CCT6B: variants seen among roughly 807,000 people sequenced by gnomAD.
CCT6B encodes chaperonin containing TCP1 subunit 6B.
Under a neutral mutation model 61.5 loss-of-function variants are expected in CCT6B, and 49 were observed. That is an observed-to-expected ratio of 0.80 (90% CI 0.63 to 1.01). The LOEUF is 1.01. Among genes scored for constraint, CCT6B ranks in the 50% least tolerant of loss-of-function variants. The pLI, the probability that CCT6B is intolerant of heterozygous loss-of-function variation, is 0.00. For missense variants in CCT6B, 666 were observed against 634.7 expected, an observed-to-expected ratio of 1.05 and a Z score of -0.53; for synonymous variants, 228 against 214.5, an observed-to-expected ratio of 1.06 and a Z score of -0.55.
At chr17:34,928,363 C>T (rs748794401) in intron 13 of CCT6B, among the ~76,000 whole-genome samples, 12 of 151,970 alleles carry the variant, frequency 7.9e-5, no homozygotes, top group Admixed American at 1.3e-4. Flanking sequence ...ACTTCTGCCT[C>T]CCAGGTTCAA....
At chr17:34,959,123 CTTTT>C (rs11374610) in intron 2 of CCT6B, among the ~76,000 whole-genome samples, 3 of 102,544 alleles carry the variant, frequency 2.9e-5, no homozygotes, top group Admixed American at 2.6e-4. Flanking sequence ...AAAAAAAAAA[CTTTT>C]TTTTTTTTTT....
chr17:34,927,945 T>C lies in CCT6B; in HGVS notation c.*103A>G, dbSNP rs1294809494. The C allele has an allele frequency of 2.8e-6, 2 of 722,374 alleles. No individual in the cohort carries two copies. Among genetic ancestry groups the C allele is most frequent in the Non-Finnish European group, 4.5e-6 (2 of 442,840 alleles). 44.7% of individuals were successfully genotyped at this position (722,374 alleles called of 1,614,324 possible). A position where few individuals can be genotyped will look rare whatever the true frequency, so the allele number is the denominator to read the frequency against. On this transcript the variant is annotated 3_prime_UTR_variant, in exon 14 of 14. Transcript: ENST00000314144. ...TAAGACCCAAAAGACATAAACTGCATTTATTGTGTAGAAATTCAGAATGGC... is the reference window on the plus strand; with the variant it reads ...TAAGACCCAAAAGACATAAACTGCACTTATTGTGTAGAAATTCAGAATGGC...
At chr17:34,936,614 T>C (rs2090097179) in intron 10 of CCT6B, among the ~76,000 whole-genome samples, 1 of 152,154 alleles carries the variant, frequency 6.6e-6, no homozygotes. Flanking sequence ...TAAAATATAT[T>C]TCTATATATT....
intron 5 of CCT6B, among the ~76,000 whole-genome samples, chr17:34,951,371 G>A (rs1271122623): frequency 1.3e-5 from 2 of 152,184 alleles, no homozygotes; most frequent in African/African-American, 4.8e-5. Flanking sequence ...GGGAAAGAGG[G>A]AAGGGTATGC....
intron 5 of CCT6B, among the ~76,000 whole-genome samples, chr17:34,948,224 A>C (rs1352381511): frequency 6.6e-6 from 1 of 152,112 alleles, no homozygotes; most frequent in Non-Finnish European, 1.5e-5. Context: ...CGGGGTCCCC[A>C]AAGTCCACTG....
rs780449977 is a variant in CCT6B at position 34,951,965 on chromosome 17, A to G, written c.599T>C (p.Leu200Ser). 2.5e-6 allele frequency: 4 copies of G among 1,581,006 alleles called. No individual in the cohort carries two copies. In the South Asian group the frequency reaches 4.5e-5, roughly 18 times the overall value. ...TGTAATTTACTTTGTATCTGTTCCT[A>G]ATTTATGCTTCATCTCCATTATTTC... ...MVEIMEMKHKLGTDTKLIQGL... is the reference protein window; with the variant it reads ...MVEIMEMKHKSGTDTKLIQGL... Residue 200 changes from leucine to serine, a missense_variant, in exon 5 of 14, where the codon TTA becomes TCA. Transcript: ENST00000314144.
chr17:34,954,231 G>T (rs1597759658), intron 4 of CCT6B, among the ~76,000 whole-genome samples, 195 bp downstream of exon 4: 1 of 152,046 alleles, frequency 6.6e-6, no homozygotes. Flanking sequence ...GGCCTAGTAT[G>T]ATACTTCTGA....
In CCT6B at chr17:34,931,014, G is replaced by A. The variant is rs1404052169; in HGVS notation, c.1385C>T (p.Thr462Ile). 3 of 1,600,820 alleles carry A rather than the reference G, an allele frequency of 1.9e-6. No homozygotes were observed. Residue 462 changes from threonine (T) to isoleucine (I), a missense_variant, in exon 12 of 14, where the codon ACA becomes ATA. Physicochemically the swap from Thr to Ile is moderately conservative, Grantham distance 89. Transcript: ENST00000314144. ...ATGCTCAGCCTGAACTTTTACTAATGTTTCCTGTGGGTCATAACCAGCATT... is the reference window on the plus strand; with the variant it reads ...ATGCTCAGCCTGAACTTTTACTAATATTTCCTGTGGGTCATAACCAGCATT... ...AQNAGYDPQETLVKVQAEHVE... is the reference protein window; with the variant it reads ...AQNAGYDPQEILVKVQAEHVE...
intron 3 of CCT6B, among the ~76,000 whole-genome samples, chr17:34,955,354 T>C (rs1189370370): frequency 6.6e-6 from 1 of 152,208 alleles, no homozygotes; most frequent in African/African-American, 2.4e-5. Flanking sequence ...TTATTATTAA[T>C]TTCCTGGTTT....
Position 34,961,357 on chromosome 17 carries a change from C to T in CCT6B, c.37G>A (p.Val13Met), listed in dbSNP as rs1567676303. Residue 13 changes from valine to methionine, a missense_variant, in exon 1 of 14, where the codon GTG becomes ATG. By Grantham distance (21) the Val-to-Met change is conservative (BLOSUM62 1). Transcript: ENST00000314144. ...GCCAAAGCTGCCCGGGCCCGCGCCACCTCAGCCTTGGAGTTGACGGCCTTT... is the reference window on the plus strand; with the variant it reads ...GCCAAAGCTGCCCGGGCCCGCGCCATCTCAGCCTTGGAGTTGACGGCCTTT... ...AIKAVNSKAE[V>M]ARARAALAVN... 6.2e-7 allele frequency: 1 copy of T among 1,612,076 alleles called. No homozygotes were observed. The highest frequency in any genetic ancestry group is 2.2e-5 in the East Asian group (1 of 44,874).
intron 1 of CCT6B, among the ~76,000 whole-genome samples, chr17:34,961,013 A>G (rs951407621): frequency 1.3e-5 from 2 of 152,246 alleles, no homozygotes; most frequent in African/African-American, 4.8e-5. Flanking sequence ...CTAACTGCAT[A>G]TGAACCTTGA....
chr17:34,942,075 T>A (rs2090169965), intron 7 of CCT6B, among the ~76,000 whole-genome samples: 1 of 151,826 alleles, frequency 6.6e-6, no homozygotes, highest in Non-Finnish European at 1.5e-5. Flanking sequence ...TTGTGCATAC[T>A]TCATATTTTG....
chr17:34,948,768 T>C (rs1437403503), intron 5 of CCT6B, among the ~76,000 whole-genome samples: 1 of 151,000 alleles, frequency 6.6e-6, no homozygotes, highest in African/African-American at 2.4e-5. Context: ...GGTGGCTCAT[T>C]CTGTTCTGTA....
At chr17:34,945,016 CA>C (rs1394218727) in intron 5 of CCT6B, among the ~76,000 whole-genome samples, 1 of 152,254 alleles carries the variant, frequency 6.6e-6, no homozygotes, top group Non-Finnish European at 1.5e-5. Flanking sequence ...GCATATGACA[CA>C]GCTGATTATT....
At chr17:34,948,689 G>C (rs539185285) in intron 5 of CCT6B, among the ~76,000 whole-genome samples, 44 of 149,712 alleles carry the variant, frequency 2.9e-4, no homozygotes, top group Non-Finnish European at 1.3e-4. Flanking sequence ...ACTCCAGCCT[G>C]GGTAACAAGA....
chr17:34,936,529 A>G (rs906741067), intron 10 of CCT6B, among the ~76,000 whole-genome samples: 2 of 152,232 alleles, frequency 1.3e-5, no homozygotes, highest in Admixed American at 1.3e-4. Flanking sequence ...ACTTATATAG[A>G]TAATTCAATG....
rs964217655 is a variant in CCT6B, at chr17:34,929,078, C to T, written c.1451-44G>A. The stretch of plus-strand genomic sequence containing the variant: ...TTTCATACCAAAATCTTAGTATTTG[C>T]TATTAATATTAATTGATATCTTCTA... On this transcript the variant is annotated intron_variant, in intron 12 of 13. Coordinates refer to ENST00000314144, the MANE Select transcript of CCT6B (RefSeq NM_006584.4). 4 of 1,164,354 alleles carry T rather than the reference C, an allele frequency of 3.4e-6. No individual in the cohort carries two copies. In the African/African-American group the frequency reaches 6.2e-5, roughly 18 times the overall value. 72.1% of individuals were successfully genotyped at this position (1,164,354 alleles called of 1,614,324 possible). A position where few individuals can be genotyped will look rare whatever the true frequency, so the allele number is the denominator to read the frequency against.
intron 5 of CCT6B, chr17:34,944,384 A>G (rs559084674): frequency 3.9e-5 from 6 of 152,254 alleles, no homozygotes; most frequent in East Asian, 3.9e-4. Context: ...CTAGTCCCCT[A>G]TATCAATTCT....
chr17:34,954,358 C>A, intron 4 of CCT6B, 68 bp downstream of exon 4: 1 of 1,282,304 alleles, frequency 7.8e-7, no homozygotes, highest in Non-Finnish European at 1.1e-6. Context: ...GATTATCTTA[C>A]AGAAAAAGAA....
Sources: gnomAD v4.1 joint callset for allele counts (sites outside exome capture counted in the v4.1 genomes callset) on GRCh38, gnomAD v4.1.1 for gene constraint, MANE v1.5 for transcripts, NCBI Gene and HGNC (gene_info 2026-07-23, HGNC 2026-07-21) for gene names.